RWDD2B: variants seen among roughly 807,000 people sequenced by gnomAD.
RWDD2B encodes the protein RWD domain-containing protein 2B.
A neutral mutation model predicts 33.6 loss-of-function variants in RWDD2B; 36 were observed. That is an observed-to-expected ratio of 1.07 (90% CI 0.82 to 1.42). The LOEUF (loss-of-function observed/expected upper bound fraction) is 1.42, where lower values mean the gene tolerates loss of function less well. Ranked by LOEUF, RWDD2B falls within the 40% of genes most tolerant of loss-of-function variation. The pLI, the probability that RWDD2B is intolerant of heterozygous loss-of-function variation, is 0.00. For synonymous variants in RWDD2B, 126 were observed against 133.1 expected, an observed-to-expected ratio of 0.95 and a Z score of 0.37; for missense variants, 364 against 377.5, an observed-to-expected ratio of 0.96 and a Z score of 0.30.
At chr21:29,009,351 C>T (rs9975270) in intron 1 of RWDD2B, among the ~76,000 whole-genome samples, 56,910 of 150,710 alleles carry the variant, frequency 0.38, 11,967 homozygotes, top group South Asian at 0.52. Context: ...TCCCAAAGTG[C>T]TAGCATTACA....
Position 29,006,532 on chromosome 21 carries a change from A to G in RWDD2B, c.845T>C (p.Phe282Ser). 1 of 1,613,574 alleles carries G rather than the reference A, an allele frequency of 6.2e-7. No individual in the cohort carries two copies. The highest frequency in any genetic ancestry group is 1.1e-5 in the South Asian group (1 of 91,076). ...RKFSIFEEKV[F>S]SVNGARGNHM... ...GTTTCCCCTGGCTCCATTAACACTG[A>G]ACACTTTTTCTTCAAAAATGGAAAA... Residue 282 changes from phenylalanine (F) to serine (S), a missense_variant, in exon 5 of 5, where the codon TTC becomes TCC. Phe to Ser is a radical substitution (Grantham distance 155). Transcript: ENST00000493196.
intron 1 of RWDD2B, among the ~76,000 whole-genome samples, chr21:29,010,638 A>C (rs954517685): frequency 2.0e-5 from 3 of 147,196 alleles, no homozygotes; most frequent in Admixed American, 1.3e-4. Context: ...AAAAACCAAA[A>C]AAAACCCTCT....
rs974706509 is a variant in RWDD2B, at chr21:29,004,576, A to C, written c.*1841T>G. On this transcript the variant is annotated 3_prime_UTR_variant, in exon 5 of 5. Transcript: ENST00000493196. ...GATTCCATTCTCTGTAGGGTATTTC[A>C]TACAAATCTGTTAGTCGCTGGAGGA... The C allele has an allele frequency of 5.9e-5, 9 of 152,216 alleles. No individual in the cohort carries two copies. The highest frequency in any genetic ancestry group is 1.3e-4 in the Non-Finnish European group (9 of 68,048). The allele number at this position is 152,216 out of a possible 1,614,324, so 9.4% of individuals were successfully genotyped here.
chr21:29,014,184 AAG>A (rs1461925447), intron 1 of RWDD2B, among the ~76,000 whole-genome samples: 1 of 152,198 alleles, frequency 6.6e-6, no homozygotes, highest in Non-Finnish European at 1.5e-5. Context: ...GGCAGAGGGC[AAG>A]AGAGAATGAG....
chr21:29,016,133 T>C (rs1271602771), intron 1 of RWDD2B, among the ~76,000 whole-genome samples: 1 of 152,236 alleles, frequency 6.6e-6, no homozygotes, highest in Non-Finnish European at 1.5e-5. Flanking sequence ...TTTATACATA[T>C]ATTAACATAT....
At chr21:29,011,653 C>T (rs2084861225) in intron 1 of RWDD2B, among the ~76,000 whole-genome samples, 1 of 147,312 alleles carries the variant, frequency 6.8e-6, no homozygotes, top group African/African-American at 2.5e-5. Flanking sequence ...GGTCAGCCCC[C>T]CGCCCGGCCA....
At chr21:29,012,182 C>CCCT (rs1555851479) in intron 1 of RWDD2B, among the ~76,000 whole-genome samples, 2 of 141,638 alleles carry the variant, frequency 1.4e-5, no homozygotes, top group African/African-American at 5.3e-5. Flanking sequence ...GGTCAGCCCC[C>CCCT]CCCCGGGAGG....
At position 29,019,335 on chromosome 21, in the gene RWDD2B, G is replaced by T; in HGVS notation, c.-58C>A. On this transcript the variant is annotated 5_prime_UTR_variant, in exon 1 of 5. In the 5' UTR this introduces an upstream ATG that the reference lacks. Transcript: ENST00000493196. ...GACCCAAAACTTACAAACCGCCTCA[G>T]CTGGCGACCTACCGGAAAAAAAAAA... 2 of 1,267,454 alleles carry T rather than the reference G, an allele frequency of 1.6e-6. No individual in the cohort carries two copies. The highest frequency in any genetic ancestry group is 1.1e-6 in the Non-Finnish European group (1 of 916,938). The allele number at this position is 1,267,454 out of a possible 1,614,324, so 78.5% of individuals were successfully genotyped here.
chr21:29,009,326 C>G (rs1000547552), intron 1 of RWDD2B, among the ~76,000 whole-genome samples: 5 of 152,068 alleles, frequency 3.3e-5, no homozygotes, highest in Non-Finnish European at 5.9e-5. Context: ...CTCAAGCAAT[C>G]CTCCTGCCTT....
chr21:29,010,793 G>C (rs1428087166), intron 1 of RWDD2B, among the ~76,000 whole-genome samples: 1 of 151,084 alleles, frequency 6.6e-6, no homozygotes. Flanking sequence ...TCAGCCTGCC[G>C]AGTGCCTGCG....
intron 1 of RWDD2B, among the ~76,000 whole-genome samples, chr21:29,011,764 TG>T (rs1285266536): frequency 1.5e-5 from 1 of 68,714 alleles, no homozygotes; most frequent in Non-Finnish European, 2.7e-5. Flanking sequence ...GGGAGGGAGG[TG>T]GGGGGGTCAG....
At position 29,010,926 on chromosome 21, in the gene RWDD2B, T is replaced by A. The variant is rs1440748071; in HGVS notation, c.68-2305A>T. On this transcript the variant is annotated intron_variant, in intron 1 of 4. Coordinates refer to ENST00000493196, the MANE Select transcript of RWDD2B (RefSeq NM_016940.3). ...CGCGAGTGATCCGCCAGCCTCGGCC[T>A]CCCGAGATGCGGGGATTGCAGACGG... Among the ~76,000 whole-genome samples the A allele has an allele frequency of 2.6e-5, 4 of 152,352 alleles. No individual in the cohort carries two copies. The East Asian group carries it at 7.7e-4, about 30-fold the overall frequency.
chr21:29,009,077 G>A (rs374751410), intron 1 of RWDD2B, among the ~76,000 whole-genome samples: 10 of 152,162 alleles, frequency 6.6e-5, no homozygotes, highest in Non-Finnish European at 4.4e-5. Context: ...TTCTTTTTAA[G>A]TAAATATTAA....
rs927761202 is a variant in RWDD2B, at chr21:29,008,104, A to G, written c.382T>C (p.Ser128Pro). Residue 128 changes from serine to proline, a missense_variant, in exon 4 of 5, where the codon TCC becomes CCC. Transcript: ENST00000493196. ...ITVRSVLLSR[S>P]QQTQLNTDLT... is the part of the protein sequence containing the mutation. ...TCTGTGTTCAGCTGAGTCTGCTGGG[A>G]TCTACTCAATAATACTGATCTAATA... The G allele has an allele frequency of 5.6e-6, 9 of 1,613,736 alleles. No individual in the cohort carries two copies. The highest frequency in any genetic ancestry group is 7.6e-6 in the Non-Finnish European group (9 of 1,179,656).
At chr21:29,016,773 C>A (rs755342294) in intron 1 of RWDD2B, among the ~76,000 whole-genome samples, 1 of 152,038 alleles carries the variant, frequency 6.6e-6, no homozygotes, top group Non-Finnish European at 1.5e-5. Context: ...TGCCAAGGTG[C>A]GACTCCTGGC....
chr21:29,013,688 CAAAAAAA>C (rs543309731), intron 1 of RWDD2B, among the ~76,000 whole-genome samples: 2 of 59,576 alleles, frequency 3.4e-5, no homozygotes, highest in East Asian at 4.4e-4. Context: ...GACTCCGTCT[CAAAAAAA>C]AAAAAAAAAA....
intron 1 of RWDD2B, among the ~76,000 whole-genome samples, chr21:29,016,897 T>C (rs553479284): frequency 6.4e-4 from 98 of 152,236 alleles, no homozygotes; most frequent in African/African-American, 2.3e-3. Flanking sequence ...AGATGAGAAT[T>C]TGTGGAAAGT....
At chr21:29,011,536 TGG>T (rs574406713) in intron 1 of RWDD2B, among the ~76,000 whole-genome samples, 10 of 124,748 alleles carry the variant, frequency 8.0e-5, no homozygotes, top group African/African-American at 1.5e-4. Context: ...GGAAGGGAGG[TGG>T]GGGGGGGTCA....
chr21:29,011,325 G>A (rs1051726251), intron 1 of RWDD2B, among the ~76,000 whole-genome samples: 6 of 146,024 alleles, frequency 4.1e-5, no homozygotes, highest in African/African-American at 7.7e-5. Context: ...CTGCCGCCCC[G>A]TCCGGGATGC....
Sources: allele counts gnomAD v4.1 joint callset (sites outside exome capture counted in the v4.1 genomes callset), GRCh38; gene constraint gnomAD v4.1.1; transcripts MANE v1.5; gene names NCBI Gene and HGNC (gene_info 2026-07-23, HGNC 2026-07-21).